ASTN2: variants seen among roughly 807,000 people sequenced by gnomAD.
ASTN2 encodes astrotactin-2.
Under a neutral mutation model 139.8 loss-of-function variants are expected in ASTN2, and 54 were observed. The ratio of observed to expected loss-of-function variants is 0.39; its 90% CI spans 0.31 to 0.48. The LOEUF is 0.48. Among genes scored for constraint, ASTN2 ranks in the 20% least tolerant of loss-of-function variants. ASTN2 has a pLI of 0.95. For synonymous variants in ASTN2, 756 were observed against 719.5 expected (o/e 1.05, Z -0.81); for missense variants, 1,565 against 1,725.1 (o/e 0.91, Z 1.64).
intron 19 of ASTN2, among the ~76,000 whole-genome samples, chr9:116,541,905 C>T (rs1017782426): frequency 1.4e-4 from 21 of 152,098 alleles, no homozygotes; most frequent in African/African-American, 5.1e-4. Flanking sequence ...TAGAGAGAGA[C>T]CTTGTGTACT....
At chr9:117,110,223 C>T (rs1030596527) in intron 4 of ASTN2, among the ~76,000 whole-genome samples, 8 of 151,980 alleles carry the variant, frequency 5.3e-5, no homozygotes, top group South Asian at 2.1e-4. Context: ...CAAATTTATA[C>T]GGTCCTTTTG....
chr9:116,982,113 T>C (rs758645763), intron 7 of ASTN2, among the ~76,000 whole-genome samples: 9 of 152,232 alleles, frequency 5.9e-5, no homozygotes, highest in Non-Finnish European at 1.2e-4. Flanking sequence ...AACAGGACAA[T>C]GCTTTCTTGC....
intron 11 of ASTN2, among the ~76,000 whole-genome samples, chr9:116,858,084 A>G (rs558273397): frequency 6.6e-6 from 1 of 152,250 alleles, no homozygotes; most frequent in Admixed American, 6.5e-5. Flanking sequence ...TCAACCACCA[A>G]TGGTGCCAGT....
rs527565982 is a variant in ASTN2, at chr9:117,269,889, A to G, written c.630+21437T>C. Among the ~76,000 whole-genome samples, 71 of 152,192 alleles carry G rather than the reference A, an allele frequency of 4.7e-4. No individual in the cohort carries two copies. In the South Asian group the frequency reaches 0.01, roughly 21 times the overall value. On this transcript the variant is annotated intron_variant, in intron 2 of 22. Coordinates refer to ENST00000313400, the MANE Select transcript of ASTN2 (RefSeq NM_001365068.1). Reference sequence around the variant, plus strand: ...CAATGGTTTCACTTTTGGGGCACATACTCTGCAAGAGGCACTGTGCCACAA... The same window carrying G: ...CAATGGTTTCACTTTTGGGGCACATGCTCTGCAAGAGGCACTGTGCCACAA...
At chr9:117,354,289 C>T (rs1233199125) in intron 1 of ASTN2, among the ~76,000 whole-genome samples, 1 of 152,102 alleles carries the variant, frequency 6.6e-6, no homozygotes, top group Non-Finnish European at 1.5e-5. Context: ...GGCCCCTCAT[C>T]ATCTGGCCTC....
At chr9:117,303,732 G>T (rs1325830527) in intron 1 of ASTN2, among the ~76,000 whole-genome samples, 1 of 152,166 alleles carries the variant, frequency 6.6e-6, no homozygotes, top group African/African-American at 2.4e-5. Context: ...ACAGTCAACA[G>T]CTCTCCTCCT....
chr9:117,180,800 C>G (rs768676176), intron 3 of ASTN2: 79 of 1,544,874 alleles, frequency 5.1e-5, no homozygotes, highest in Middle Eastern at 1.7e-4. Flanking sequence ...GCCACCATGT[C>G]TTCAAATTCA....
intron 4 of ASTN2, among the ~76,000 whole-genome samples, chr9:117,126,950 A>C (rs1829703969): frequency 6.6e-6 from 1 of 152,200 alleles, no homozygotes; most frequent in Non-Finnish European, 1.5e-5. Flanking sequence ...GTAGGTAGTT[A>C]AGCTTAGACA....
intron 19 of ASTN2, among the ~76,000 whole-genome samples, chr9:116,488,853 T>A (rs936075842): frequency 2.0e-5 from 3 of 152,192 alleles, no homozygotes; most frequent in Admixed American, 2.0e-4. Flanking sequence ...ATTGCTTTTG[T>A]AACCCATAAA....
At chr9:116,883,286 T>C (rs1332184668) in intron 10 of ASTN2, among the ~76,000 whole-genome samples, 1 of 152,192 alleles carries the variant, frequency 6.6e-6, no homozygotes, top group East Asian at 1.9e-4. Context: ...AGAAAAATTA[T>C]ATCGATATAA....
At chr9:117,180,682 G>C (rs893255749) in intron 3 of ASTN2, 57 of 1,587,122 alleles carry the variant, frequency 3.6e-5, no homozygotes, top group Non-Finnish European at 3.3e-5. Context: ...TATTAAGAGG[G>C]GGCAGCACAG....
At chr9:117,072,584 G>A (rs1423536621) in intron 5 of ASTN2, among the ~76,000 whole-genome samples, 1 of 152,152 alleles carries the variant, frequency 6.6e-6, no homozygotes, top group East Asian at 1.9e-4. Flanking sequence ...TTGAACAGAT[G>A]TTTAGAACTC....
chr9:116,590,415 CCT>C (rs1370517954), intron 19 of ASTN2, among the ~76,000 whole-genome samples: 1 of 152,226 alleles, frequency 6.6e-6, no homozygotes, highest in Non-Finnish European at 1.5e-5. Flanking sequence ...ATGCCAGCCC[CCT>C]GTTGCCTTGG....
At chr9:117,329,846 A>T (rs1004162948) in intron 1 of ASTN2, among the ~76,000 whole-genome samples, 1 of 152,202 alleles carries the variant, frequency 6.6e-6, no homozygotes, top group African/African-American at 2.4e-5. Flanking sequence ...AATAATAGAC[A>T]TGACTGCCAT....
In ASTN2 at chr9:117,208,489, A is replaced by C. The variant is rs562294156; in HGVS notation, c.1015+5869T>G. The stretch of plus-strand genomic sequence containing the variant: ...AAAGAAAAGAAAGAATAAATAATAC[A>C]AAAAAAAGAAAGCCTCAAGTAAGTG... On this transcript the variant is annotated intron_variant, in intron 3 of 22. Coordinates refer to ENST00000313400, the MANE Select transcript of ASTN2 (RefSeq NM_001365068.1). 6.6e-5 allele frequency among the ~76,000 whole-genome samples: 10 copies of C among 151,846 alleles called. No individual in the cohort carries two copies. In the East Asian group the frequency reaches 1.9e-3, roughly 29 times the overall value.
At chr9:117,083,018 G>A (rs1828469380) in intron 5 of ASTN2, among the ~76,000 whole-genome samples, 1 of 152,032 alleles carries the variant, frequency 6.6e-6, no homozygotes, top group African/African-American at 2.4e-5. Flanking sequence ...TTCATCAGAG[G>A]CAGTCCTCAC....
At chr9:117,098,300 GA>G (rs1343227166) in intron 4 of ASTN2, among the ~76,000 whole-genome samples, 1 of 152,164 alleles carries the variant, frequency 6.6e-6, no homozygotes, top group Non-Finnish European at 1.5e-5. Flanking sequence ...GTGATGCTCA[GA>G]AAAGAAAAAT....
intron 11 of ASTN2, among the ~76,000 whole-genome samples, chr9:116,824,444 A>G (rs1831569035): frequency 6.6e-6 from 1 of 152,132 alleles, no homozygotes; most frequent in Non-Finnish European, 1.5e-5. Context: ...CAGCAGCCCT[A>G]TGGAGAGTCT....
At position 116,550,321 on chromosome 9, in the gene ASTN2, A is replaced by G. The variant is rs143054779; in HGVS notation, c.3356-62821T>C. ...TTCAAAGCACAGTATCTTCATCTGC[A>G]ATATAAACCTGTCAATTTTACCCTG... On this transcript the variant is annotated intron_variant, in intron 19 of 22. Coordinates refer to ENST00000313400, the MANE Select transcript of ASTN2 (RefSeq NM_001365068.1). Among the ~76,000 whole-genome samples the G allele has an allele frequency of 6.0e-3, 911 of 152,356 alleles. 10 individuals are homozygous for G. The highest frequency in any genetic ancestry group is 0.021 in the African/African-American group (867 of 41,578).
Sources: allele counts gnomAD v4.1 joint callset (sites outside exome capture counted in the v4.1 genomes callset), GRCh38; gene constraint gnomAD v4.1.1; transcripts MANE v1.5; gene names NCBI Gene and HGNC (gene_info 2026-07-23, HGNC 2026-07-21).